ADAM32: variants seen among roughly 807,000 people sequenced by gnomAD.
ADAM32 encodes disintegrin and metalloproteinase domain-containing protein 32.
In ADAM32, 89 loss-of-function variants were observed where a neutral mutation model predicts 114.9. The observed-to-expected ratio is 0.77, with a 90% CI of 0.65 to 0.92. ADAM32 has a LOEUF of 0.92. ADAM32 is among the 40% of genes least tolerant of loss of function. The probability of loss-of-function intolerance (pLI) is 0.00; values close to 1 mark genes in which losing one functional copy is unlikely to be tolerated. For missense variants in ADAM32, 870 were observed against 932.8 expected (o/e 0.93, Z 0.88); for synonymous variants, 285 against 307.5 (o/e 0.93, Z 0.77).
At chr8:39,267,281 C>T (rs1018531373) in intron 19 of ADAM32, among the ~76,000 whole-genome samples, 3 of 152,220 alleles carry the variant, frequency 2.0e-5, no homozygotes, top group Non-Finnish European at 4.4e-5. Context: ...TAATCTGCTT[C>T]TGTCACTACA....
At chr8:39,133,779 C>A (rs1802607220) in intron 2 of ADAM32, among the ~76,000 whole-genome samples, 1 of 152,132 alleles carries the variant, frequency 6.6e-6, no homozygotes, top group South Asian at 2.1e-4. Flanking sequence ...GATATCAGAT[C>A]CCCGGATAGT....
rs754599948 is a variant in ADAM32, at chr8:39,257,208, C to T, written c.2027C>T (p.Ser676Phe). Reference protein sequence around the residue: ...EDMGSIMERASGKTENTWLLG... With the variant: ...EDMGSIMERAFGKTENTWLLG... ...TTAGGTTCAATCATGGAAAGAGCATCTGGGAAGACTGAAAACACCTGGCTT... is the reference window on the plus strand; with the variant it reads ...TTAGGTTCAATCATGGAAAGAGCATTTGGGAAGACTGAAAACACCTGGCTT... The change falls in exon 19 of 25, where the codon TCT becomes TTT. Residue 676 changes from serine (S) to phenylalanine (F), a missense_variant. Ser to Phe is a radical substitution (Grantham distance 155). Transcript: ENST00000379907. 4.4e-6 allele frequency: 7 copies of T among 1,594,650 alleles called. No homozygotes were observed. The highest frequency in any genetic ancestry group is 1.1e-5 in the South Asian group (1 of 88,402).
At chr8:39,232,584 C>G (rs1355853422) in intron 15 of ADAM32, among the ~76,000 whole-genome samples, 1 of 152,104 alleles carries the variant, frequency 6.6e-6, no homozygotes, top group African/African-American at 2.4e-5. Flanking sequence ...GGGCTAAATC[C>G]TAGTTAGCAA....
intron 10 of ADAM32, among the ~76,000 whole-genome samples, chr8:39,183,040 G>A (rs1326714634): frequency 6.6e-6 from 1 of 152,178 alleles, no homozygotes; most frequent in Non-Finnish European, 1.5e-5. Context: ...CTAACATCAG[G>A]TGGGGATACT....
Position 39,217,118 on chromosome 8 carries a change from T to TATA in ADAM32, c.1234-4492_1234-4491insATA, listed in dbSNP as rs397710026. On this transcript the variant is annotated intron_variant, in intron 12 of 24. Transcript: ENST00000379907. The stretch of plus-strand genomic sequence containing the variant: ...TATGTTTAAAGAATATATATATATA[T>TATA]TTTTTTACCAGATATGCTATCCTAA... 8.7e-5 allele frequency among the ~76,000 whole-genome samples: 6 copies of TATA among 68,658 alleles called. No homozygotes were observed. The East Asian group carries it at 1.4e-3, about 16-fold the overall frequency. 45.0% of individuals were successfully genotyped at this position (68,658 alleles called of 152,430 possible).
chr8:39,164,342 G>T (rs1247997860), intron 7 of ADAM32, among the ~76,000 whole-genome samples: 1 of 152,164 alleles, frequency 6.6e-6, no homozygotes, highest in African/African-American at 2.4e-5. Flanking sequence ...GTTTATGGTA[G>T]GAATGTACTA....
intron 19 of ADAM32, among the ~76,000 whole-genome samples, chr8:39,257,564 C>T (rs1365056838): frequency 6.7e-6 from 1 of 149,928 alleles, no homozygotes; most frequent in African/African-American, 2.5e-5. Flanking sequence ...CATTGAACTG[C>T]TAGTTGAGAG....
At chr8:39,284,758 A>G in intron 24 of ADAM32, 35 bp from the exon 25 acceptor site, 1 of 1,613,142 alleles carries the variant, frequency 6.2e-7, no homozygotes, top group Non-Finnish European at 8.5e-7. Flanking sequence ...TGCTGTCAGT[A>G]CTTTGAGCAC....
intron 10 of ADAM32, among the ~76,000 whole-genome samples, chr8:39,171,459 TG>T (rs1327714299): frequency 6.6e-6 from 1 of 152,302 alleles, no homozygotes; most frequent in East Asian, 1.9e-4. Context: ...TATCTGTTAC[TG>T]TAGCTCTCTC....
At chr8:39,188,228 A>G (rs1380780147) in intron 11 of ADAM32, among the ~76,000 whole-genome samples, 1 of 152,184 alleles carries the variant, frequency 6.6e-6, no homozygotes, top group Admixed American at 6.5e-5. Context: ...ATGCAATTAT[A>G]TTACAAATTA....
At chr8:39,146,943 T>C (rs35275553) in intron 3 of ADAM32, among the ~76,000 whole-genome samples, 187 bp from the exon 4 acceptor site, 43,261 of 152,092 alleles carry the variant, frequency 0.28, 6,217 homozygotes, top group Middle Eastern at 0.34. Context: ...AACTAGTTAA[T>C]CTCTCATCTT....
intron 2 of ADAM32, among the ~76,000 whole-genome samples, chr8:39,131,731 C>T (rs1341624900): frequency 6.6e-6 from 1 of 152,054 alleles, no homozygotes; most frequent in African/African-American, 2.4e-5. Flanking sequence ...TTCTTTCTTT[C>T]TGATAATATT....
intron 19 of ADAM32, among the ~76,000 whole-genome samples, chr8:39,257,787 T>C (rs542714501): frequency 6.6e-6 from 1 of 152,144 alleles, no homozygotes; most frequent in Admixed American, 6.5e-5. Context: ...TAATTTAGAT[T>C]ATTACATTTT....
intron 4 of ADAM32, 71 bp from the exon 5 acceptor site, chr8:39,149,720 T>A (rs527428908): frequency 9.4e-7 from 1 of 1,060,186 alleles, no homozygotes; most frequent in Admixed American, 2.0e-5. Context: ...TTCTATCAAG[T>A]ATAGAAGTAG....
intron 10 of ADAM32, among the ~76,000 whole-genome samples, chr8:39,170,718 A>G (rs1402504906): frequency 1.3e-5 from 2 of 152,062 alleles, no homozygotes; most frequent in Non-Finnish European, 2.9e-5. Flanking sequence ...TGATATATAT[A>G]TCTTATTGTT....
intron 7 of ADAM32, 75 bp from the exon 8 acceptor site, chr8:39,164,689 C>T: frequency 8.7e-7 from 1 of 1,147,416 alleles, no homozygotes; most frequent in Non-Finnish European, 1.2e-6. Context: ...ACACCTCTGA[C>T]AGTAGATGGA....
chr8:39,239,064 C>T (rs72500200), intron 16 of ADAM32, among the ~76,000 whole-genome samples: 30,798 of 151,876 alleles, frequency 0.2, 3,556 homozygotes, highest in East Asian at 0.28. Context: ...ACAAGAACCT[C>T]GAAGAATACC....
chr8:39,266,692 C>G (rs2129451139), intron 19 of ADAM32, among the ~76,000 whole-genome samples: 1 of 152,178 alleles, frequency 6.6e-6, no homozygotes, highest in East Asian at 1.9e-4. Flanking sequence ...AGCTGGAGAG[C>G]TATTGTGGTT....
chr8:39,160,532 TC>T (rs1804435223), intron 6 of ADAM32, among the ~76,000 whole-genome samples: 1 of 85,090 alleles, frequency 1.2e-5, no homozygotes, highest in Admixed American at 2.2e-4. Flanking sequence ...AGAGCGAGAC[TC>T]CATCTCAAAA....
Sources: allele counts gnomAD v4.1 joint callset (sites outside exome capture counted in the v4.1 genomes callset), GRCh38; gene constraint gnomAD v4.1.1; transcripts MANE v1.5; gene names NCBI Gene and HGNC (gene_info 2026-07-23, HGNC 2026-07-21).